Variants in TMEM132E observed in about 807,000 individuals in gnomAD.
The protein encoded by TMEM132E is transmembrane protein 132E.
Under a neutral mutation model 78.5 loss-of-function variants are expected in TMEM132E, and 49 were observed. The ratio of observed to expected loss-of-function variants is 0.62; its 90% CI spans 0.50 to 0.79. The LOEUF is 0.79. Among genes scored for constraint, TMEM132E ranks in the 30% least tolerant of loss-of-function variants. The probability of loss-of-function intolerance (pLI) is 0.00; values close to 1 mark genes in which losing one functional copy is unlikely to be tolerated. For synonymous variants in TMEM132E, 715 were observed against 670.6 expected, an observed-to-expected ratio of 1.07 and a Z score of -1.02; for missense variants, 1,403 against 1,470.9, an observed-to-expected ratio of 0.95 and a Z score of 0.75.
In TMEM132E at chr17:34,588,114, C is replaced by T. The variant is rs73284006; in HGVS notation, c.67+6971C>T. ...GCCCTCCATGCTTCTTTCAGTCCCTCGAATAAGTCATGCTCTTTTGCATGT... is the reference window on the plus strand; with the variant it reads ...GCCCTCCATGCTTCTTTCAGTCCCTTGAATAAGTCATGCTCTTTTGCATGT... On this transcript the variant is annotated intron_variant, in intron 1 of 8. Coordinates refer to ENST00000631683, the MANE Select transcript of TMEM132E (RefSeq NM_001304438.2). Among the ~76,000 whole-genome samples, 566 of 152,256 alleles carry T rather than the reference C, an allele frequency of 3.7e-3. 5 individuals are homozygous for T. Among genetic ancestry groups the T allele is most frequent in the African/African-American group, 0.013 (525 of 41,550 alleles).
Position 34,637,175 on chromosome 17 carries a change from A to G in TMEM132E, c.2170-2A>G. Reference sequence around the variant, plus strand: ...TATCCCCTCCTTCTCCTTCTCCTCCAGGAAGCCCTACTGAGCCTCTGGCTC... The same window carrying G: ...TATCCCCTCCTTCTCCTTCTCCTCCGGGAAGCCCTACTGAGCCTCTGGCTC... On this transcript the variant is annotated splice_acceptor_variant, in intron 8 of 8. Transcript: ENST00000631683. LOFTEE classifies it high-confidence loss of function. 6.3e-7 allele frequency: 1 copy of G among 1,594,272 alleles called. No homozygotes were observed.
rs776047778 is a variant in TMEM132E, at chr17:34,637,725, C to T, written c.2718C>T (p.Leu906=). Residue 906 remains leucine, a synonymous_variant, in exon 9 of 9, where the codon CTC becomes CTT. Transcript: ENST00000631683. ...GVFCLAILVF[L]INCIVFVLRY... ...TCTGCCTCGCCATCCTCGTCTTCCTCATCAACTGCATCGTTTTTGTGCTGC... is the reference window on the plus strand; with the variant it reads ...TCTGCCTCGCCATCCTCGTCTTCCTTATCAACTGCATCGTTTTTGTGCTGC... The T allele has an allele frequency of 1.2e-6, 2 of 1,613,512 alleles. No homozygotes were observed. Among genetic ancestry groups the T allele is most frequent in the South Asian group, 1.1e-5 (1 of 91,086 alleles).
chr17:34,621,315 C>T (rs1204151225), intron 1 of TMEM132E, among the ~76,000 whole-genome samples: 1 of 152,156 alleles, frequency 6.6e-6, no homozygotes. Flanking sequence ...GTCTTCCTGG[C>T]TCGTAGACAG....
chr17:34,632,522 G>A (rs757507907), intron 5 of TMEM132E, among the ~76,000 whole-genome samples, 182 bp from the exon 6 acceptor site: 2 of 152,244 alleles, frequency 1.3e-5, no homozygotes, highest in Non-Finnish European at 2.9e-5. Flanking sequence ...TCTCAAGAAA[G>A]AGCAGAAGCA....
intron 1 of TMEM132E, among the ~76,000 whole-genome samples, chr17:34,584,941 C>T (rs558424853): frequency 1.3e-5 from 2 of 152,320 alleles, no homozygotes; most frequent in Middle Eastern, 3.4e-3. Flanking sequence ...GTTTCTCCTG[C>T]GGGTTGTGTC....
chr17:34,581,260 G>T, intron 1 of TMEM132E, 117 bp downstream of exon 1: 1 of 995,014 alleles, frequency 1.0e-6, no homozygotes, highest in East Asian at 3.3e-5. Flanking sequence ...GCCACTCCGG[G>T]TTTGGCGTCT....
intron 1 of TMEM132E, among the ~76,000 whole-genome samples, chr17:34,603,036 T>C (rs1371080153): frequency 5.3e-5 from 8 of 152,068 alleles, no homozygotes; most frequent in Non-Finnish European, 8.8e-5. Flanking sequence ...AGAGGCTGTG[T>C]CCTCCCAGCC....
At chr17:34,585,222 C>G (rs1035536797) in intron 1 of TMEM132E, among the ~76,000 whole-genome samples, 3 of 152,212 alleles carry the variant, frequency 2.0e-5, no homozygotes, top group Non-Finnish European at 2.9e-5. Flanking sequence ...GGAATCCATT[C>G]TGAGGACGGC....
chr17:34,621,909 C>A (rs1310139330), intron 1 of TMEM132E, among the ~76,000 whole-genome samples: 2 of 152,076 alleles, frequency 1.3e-5, no homozygotes, highest in African/African-American at 2.4e-5. Flanking sequence ...CCAAGCAGTG[C>A]CTTCCCCCAC....
rs1907627024 is a variant in TMEM132E at position 34,638,436 on chromosome 17, T to C, written c.*204T>C. 1 of 524,310 alleles carries C rather than the reference T, an allele frequency of 1.9e-6. No individual in the cohort carries two copies. Among genetic ancestry groups the C allele is most frequent in the Non-Finnish European group, 3.2e-6 (1 of 308,852 alleles). The allele number at this position is 524,310 out of a possible 1,614,324, so 32.5% of individuals were successfully genotyped here. On this transcript the variant is annotated 3_prime_UTR_variant, in exon 9 of 9. Transcript: ENST00000631683. ...CACGCCATTACCCTCTTCTGCCCCC[T>C]GCAGGTGGAGGGCTCTTCCTCCAGT... is the stretch of plus-strand genomic sequence containing the variant.
At chr17:34,627,121 T>C in intron 2 of TMEM132E, 64 bp downstream of exon 2, 1 of 838,800 alleles carries the variant, frequency 1.2e-6, no homozygotes, top group Non-Finnish European at 1.9e-6. Context: ...CCTGACTCCT[T>C]GTGGGTGGGT....
intron 2 of TMEM132E, 32 bp downstream of exon 2, chr17:34,627,089 C>A (rs1907175253): frequency 1.5e-5 from 24 of 1,606,354 alleles, no homozygotes; most frequent in Non-Finnish European, 2.0e-5. Context: ...GATCTGGTTT[C>A]CCTTCCAAGA....
rs774950867 is a variant in TMEM132E at position 34,635,097 on chromosome 17, G to A, written c.1977+10G>A. ...CACCACCCCCTTTAAGGTAGGTATG[G>A]GCTCTGTCCCAGCACAAAGGGGCAG... On this transcript the variant is annotated intron_variant, in intron 7 of 8. Transcript: ENST00000631683. 6.2e-6 allele frequency: 10 copies of A among 1,602,040 alleles called. No homozygotes were observed. The highest frequency in any genetic ancestry group is 3.3e-5 in the South Asian group (3 of 89,632).
At chr17:34,615,984 G>A (rs1351790525) in intron 1 of TMEM132E, among the ~76,000 whole-genome samples, 2 of 152,190 alleles carry the variant, frequency 1.3e-5, no homozygotes, top group South Asian at 2.1e-4. Context: ...TTCTCACTCC[G>A]TTGTACAGTT....
chr17:34,624,527 T>C (rs897508704), intron 1 of TMEM132E, among the ~76,000 whole-genome samples: 3 of 152,198 alleles, frequency 2.0e-5, no homozygotes, highest in African/African-American at 4.8e-5. Flanking sequence ...GCATTGAAGC[T>C]GGACCCTGGA....
chr17:34,628,517 G>A, intron 2 of TMEM132E, 46 bp from the exon 3 acceptor site: 1 of 1,609,306 alleles, frequency 6.2e-7, no homozygotes, highest in Non-Finnish European at 8.5e-7. Flanking sequence ...GCAGCTTTGG[G>A]CTGTAGCCTG....
chr17:34,609,229 G>A (rs1363635070), intron 1 of TMEM132E, among the ~76,000 whole-genome samples: 2 of 152,194 alleles, frequency 1.3e-5, no homozygotes, highest in African/African-American at 4.8e-5. Flanking sequence ...GCCTCCGGCT[G>A]CCCTGCCTTT....
intron 1 of TMEM132E, among the ~76,000 whole-genome samples, chr17:34,581,653 G>A (rs1905487480): frequency 6.6e-6 from 1 of 151,952 alleles, no homozygotes; most frequent in African/African-American, 2.4e-5. Flanking sequence ...CCGGGCCGGG[G>A]AGCCGCCGCG....
chr17:34,630,897 C>A (rs951788103), intron 5 of TMEM132E, among the ~76,000 whole-genome samples: 24 of 152,174 alleles, frequency 1.6e-4, no homozygotes, highest in African/African-American at 4.8e-4. Context: ...CCCAAGAGGG[C>A]TCCAGATTCC....
Sources: gnomAD v4.1 joint callset for allele counts (sites outside exome capture counted in the v4.1 genomes callset) on GRCh38, gnomAD v4.1.1 for gene constraint, MANE v1.5 for transcripts, NCBI Gene and HGNC (gene_info 2026-07-23, HGNC 2026-07-21) for gene names.